UBR4: variants seen among roughly 807,000 people sequenced by gnomAD.
UBR4 encodes the protein ubiquitin protein ligase E3 component n-recognin 4.
A neutral mutation model predicts 575.6 loss-of-function variants in UBR4; 124 were observed. That is an observed-to-expected ratio of 0.22 (90% confidence interval 0.19 to 0.25). The LOEUF is 0.25. UBR4 is among the 10% of genes least tolerant of loss of function. UBR4 has a pLI of 1.00. For synonymous variants in UBR4, 2,455 were observed against 2,473.7 expected (o/e 0.99, Z 0.22); for missense variants, 4,818 against 6,478.8 (o/e 0.74, Z 8.80).
chr1:19,173,955 C>T (rs568765307), intron 22 of UBR4, among the ~76,000 whole-genome samples: 6 of 152,210 alleles, frequency 3.9e-5, no homozygotes, highest in African/African-American at 1.4e-4. Context: ...ATCAGCTATC[C>T]GTTTTTGTGG....
At chr1:19,104,335 G>A in intron 86 of UBR4, 78 bp from the exon 87 acceptor site, 2 of 1,539,730 alleles carry the variant, frequency 1.3e-6, no homozygotes, top group Admixed American at 1.9e-5. Context: ...AAGATTATGA[G>A]CAACTCAAAA....
In UBR4 at chr1:19,076,779, T is replaced by A; in HGVS notation, c.15448A>T (p.Met5150Leu). 6.2e-7 allele frequency: 1 copy of A among 1,614,132 alleles called. No individual in the cohort carries two copies. The highest frequency in any genetic ancestry group is 1.1e-5 in the South Asian group (1 of 91,072). ...KALKTFQEEF[M>L]PVETFSEFLD... is the part of the protein sequence containing the mutation. The stretch of plus-strand genomic sequence containing the variant: ...AACTCTGAGAAGGTCTCCACTGGCA[T>A]GAACTCCTCCTGGAAGGTTTTCAGG... The change falls in exon 105 of 106, where the codon ATG becomes TTG. Residue 5150 changes from methionine (M) to leucine (L), a missense_variant. This residue lies in a region of UBR4 where 212 missense variants were observed against 221.3 expected (regional missense o/e 0.96). Transcript: ENST00000375254.
chr1:19,138,754 A>T (rs1450621547), intron 59 of UBR4, among the ~76,000 whole-genome samples: 3 of 152,226 alleles, frequency 2.0e-5, no homozygotes, highest in African/African-American at 4.8e-5. Flanking sequence ...GTTTTAGGCT[A>T]ATCATGACTT....
intron 87 of UBR4, 39 bp from the exon 88 acceptor site, chr1:19,101,680 C>T (rs1432490505): frequency 1.3e-6 from 2 of 1,579,794 alleles, no homozygotes; most frequent in Admixed American, 1.7e-5. Context: ...GAAAGAGCCT[C>T]TCCCATGGAA....
intron 57 of UBR4, 123 bp from the exon 58 acceptor site, chr1:19,141,015 G>A: frequency 9.5e-7 from 1 of 1,051,414 alleles, no homozygotes. Context: ...TGGCCTAGAG[G>A]AAGTTAGCTA....
At chr1:19,169,793 G>A (rs1334951156) in intron 26 of UBR4, among the ~76,000 whole-genome samples, 1 of 152,176 alleles carries the variant, frequency 6.6e-6, no homozygotes, top group Non-Finnish European at 1.5e-5. Flanking sequence ...GAAGACAACT[G>A]AAAATAAGAT....
At chr1:19,197,391 G>A in intron 7 of UBR4, 126 bp from the exon 8 acceptor site, 1 of 1,357,168 alleles carries the variant, frequency 7.4e-7, no homozygotes, top group Non-Finnish European at 1.0e-6. Context: ...CACTTCAGGA[G>A]GCCAAGGCAG....
chr1:19,120,073 G>GT (rs2081004435), intron 69 of UBR4, 107 bp downstream of exon 69: 1 of 1,332,326 alleles, frequency 7.5e-7, no homozygotes, highest in Admixed American at 2.0e-5. Flanking sequence ...TCAGGCTGGC[G>GT]TAACTACTGA....
At chr1:19,095,333 CTT>C (rs1166279446) in intron 93 of UBR4, among the ~76,000 whole-genome samples, 1 of 152,184 alleles carries the variant, frequency 6.6e-6, no homozygotes, top group Non-Finnish European at 1.5e-5. Flanking sequence ...CAAGGAAGCT[CTT>C]GAGTGCCATG....
chr1:19,138,036 T>C lies in UBR4; in HGVS notation c.8877A>G (p.Glu2959=), dbSNP rs775690184. 1 of 1,571,804 alleles carries C rather than the reference T, an allele frequency of 6.4e-7. No individual in the cohort carries two copies. Among genetic ancestry groups the C allele is most frequent in the Non-Finnish European group, 8.7e-7 (1 of 1,153,872 alleles). ...GDGSEGEGEG[E]TEGDVHTSNR... ...TGCTAGTGTGGACATCTCCTTCAGTTTCTCCTTCTCCTTCTCCCTCGGAGC... is the reference window on the plus strand; with the variant it reads ...TGCTAGTGTGGACATCTCCTTCAGTCTCTCCTTCTCCTTCTCCCTCGGAGC... The change falls in exon 60 of 106, where the codon GAA becomes GAG. Residue 2959 remains glutamate, a synonymous_variant. Coordinates refer to ENST00000375254, the MANE Select transcript of UBR4 (RefSeq NM_020765.3).
chr1:19,162,340 G>GA (rs2087517883), intron 35 of UBR4, 80 bp downstream of exon 35: 1 of 1,504,494 alleles, frequency 6.6e-7, no homozygotes, highest in Non-Finnish European at 8.9e-7. Context: ...CAGGAGGCTG[G>GA]AAAACAGAGC....
chr1:19,137,977 C>A (rs1469640848), intron 60 of UBR4, 30 bp downstream of exon 60: 3 of 1,458,588 alleles, frequency 2.1e-6, no homozygotes, highest in African/African-American at 2.8e-5. Context: ...GATAGGCAAG[C>A]CTCTTAACTG....
At position 19,173,457 on chromosome 1, in the gene UBR4, G is replaced by A. The variant is rs761863017; in HGVS notation, c.3147C>T (p.Ser1049=). The A allele has an allele frequency of 8.7e-6, 14 of 1,614,004 alleles. No homozygotes were observed. The highest frequency in any genetic ancestry group is 8.5e-6 in the Non-Finnish European group (10 of 1,180,006). ...LRWSSRLRIS[S]YVNWIKDHLI... ...GTGTTACCTTTATCCAGTTGACATA[G>A]GAGCTGATCCGGAGCCGAGAAGACC... Residue 1049 remains serine, a synonymous_variant, in exon 23 of 106, where the codon TCC becomes TCT. Transcript: ENST00000375254.
At position 19,161,876 on chromosome 1, in the gene UBR4, T is replaced by C. The variant is rs1436581313; in HGVS notation, c.4978A>G (p.Lys1660Glu). The C allele has an allele frequency of 6.2e-7, 1 of 1,614,242 alleles. No individual in the cohort carries two copies. The highest frequency in any genetic ancestry group is 1.1e-5 in the South Asian group (1 of 91,088). Residue 1660 changes from lysine (K) to glutamate (E), a missense_variant, in exon 36 of 106, where the codon AAA becomes GAA. By Grantham distance (56) the Lys-to-Glu change is moderately conservative. This residue lies in a region of UBR4 where 18 missense variants were observed against 37.3 expected (regional missense o/e 0.48). Transcript: ENST00000375254. Reference sequence around the variant, plus strand: ...TGTGTGATCGTAAAAGTGCAGAGTTTATTGCAAAGAGAATCTTCATCCTTC... The same window carrying C: ...TGTGTGATCGTAAAAGTGCAGAGTTCATTGCAAAGAGAATCTTCATCCTTC... ...EDSDEDSLCN[K>E]LCTFTITQKE...
chr1:19,169,813 GGGT>G (rs1257185354), intron 26 of UBR4, among the ~76,000 whole-genome samples: 10 of 152,216 alleles, frequency 6.6e-5, no homozygotes, highest in African/African-American at 2.4e-4. Flanking sequence ...TGCAAAGTGA[GGGT>G]GAGTCATTGC....
chr1:19,167,333 G>C (rs1190861707), intron 28 of UBR4, 102 bp from the exon 29 acceptor site: 5 of 1,267,978 alleles, frequency 3.9e-6, no homozygotes, highest in Non-Finnish European at 5.6e-6. Flanking sequence ...AGAGGGGAAG[G>C]GGAATTGCGC....
chr1:19,088,651 C>T lies in UBR4; in HGVS notation c.14430+108G>A, dbSNP rs1399183587. 3 of 1,092,070 alleles carry T rather than the reference C, an allele frequency of 2.7e-6. No homozygotes were observed. In the South Asian group the frequency reaches 4.3e-5, roughly 16 times the overall value. 67.6% of individuals were successfully genotyped at this position (1,092,070 alleles called of 1,614,324 possible). On this transcript the variant is annotated intron_variant, in intron 98 of 105. Coordinates refer to ENST00000375254, the MANE Select transcript of UBR4 (RefSeq NM_020765.3). This position sits in a 1 kb window ranked among gnomAD's most constrained non-coding sequence, Gnocchi z 4.0. Reference sequence around the variant, plus strand: ...GAACACACCTAGTTCCTTCCTCCTACTCTGTCCAGCCTTCTCTTTCCCCAT... The same window carrying T: ...GAACACACCTAGTTCCTTCCTCCTATTCTGTCCAGCCTTCTCTTTCCCCAT...
intron 70 of UBR4, 109 bp downstream of exon 70, chr1:19,119,448 G>A: frequency 7.0e-7 from 1 of 1,427,518 alleles, no homozygotes; most frequent in Middle Eastern, 1.8e-4. Flanking sequence ...TTTAAAAGAG[G>A]TTTCCTATAT....
chr1:19,083,419 C>G (rs2076712534), intron 102 of UBR4, among the ~76,000 whole-genome samples: 1 of 152,204 alleles, frequency 6.6e-6, no homozygotes, highest in East Asian at 1.9e-4. Flanking sequence ...GCTGCAGCTA[C>G]CCGGGGTGAG....
Sources: allele counts gnomAD v4.1 joint callset (sites outside exome capture counted in the v4.1 genomes callset), GRCh38; gene constraint gnomAD v4.1.1; regional missense constraint gnomAD v4.1.1; non-coding constraint Gnocchi (gnomAD v3.1); transcripts MANE v1.5; gene names NCBI Gene and HGNC (gene_info 2026-07-23, HGNC 2026-07-21).